Variants in WASF3 observed in about 807,000 individuals in gnomAD.
WASF3 encodes the protein actin-binding protein WASF3.
A neutral mutation model predicts 46.6 loss-of-function variants in WASF3; 11 were observed. The observed-to-expected ratio is 0.24, with a 90% CI of 0.15 to 0.39. WASF3 has a LOEUF of 0.39. Ranked by LOEUF, WASF3 falls within the 10% of genes least tolerant of loss-of-function variation. The pLI, the probability that WASF3 is intolerant of heterozygous loss-of-function variation, is 1.00. For synonymous variants in WASF3, 242 were observed against 259.7 expected (o/e 0.93, Z 0.65); for missense variants, 576 against 669.8 (o/e 0.86, Z 1.55).
chr13:26,680,257 G>A (rs553793271), intron 7 of WASF3: 39 of 1,504,080 alleles, frequency 2.6e-5, no homozygotes, highest in East Asian at 4.6e-5. Context: ...TGCTTCTGCC[G>A]CCATGAGAGG....
rs901160756 is a variant in WASF3 at position 26,687,212 on chromosome 13, T to C, written c.*1367T>C. The stretch of plus-strand genomic sequence containing the variant: ...AGGTGCTCCAGGCTTTGATTATAGA[T>C]ACGACTTCAAAAATATGCTAAGACG... On this transcript the variant is annotated 3_prime_UTR_variant, in exon 10 of 10. Transcript: ENST00000335327. 6.6e-6 allele frequency: 1 copy of C among 152,246 alleles called. No individual in the cohort carries two copies. The highest frequency in any genetic ancestry group is 2.4e-5 in the African/African-American group (1 of 41,470). The allele number at this position is 152,246 out of a possible 1,614,324, so 9.4% of individuals were successfully genotyped here.
At chr13:26,677,117 GGTAAA>G (rs1883090048) in intron 7 of WASF3, among the ~76,000 whole-genome samples, 1 of 152,100 alleles carries the variant, frequency 6.6e-6, no homozygotes, top group Non-Finnish European at 1.5e-5. Context: ...ATTGGCAGGT[GGTAAA>G]GTAACTAAGG....
At chr13:26,604,494 A>G (rs1566048154) in intron 1 of WASF3, among the ~76,000 whole-genome samples, 1 of 152,248 alleles carries the variant, frequency 6.6e-6, no homozygotes, top group Non-Finnish European at 1.5e-5. Flanking sequence ...TTATAAATAC[A>G]TAATTAGTAT....
chr13:26,672,080 T>G (rs1481702798), intron 6 of WASF3, 91 bp downstream of exon 6: 4 of 1,009,482 alleles, frequency 4.0e-6, no homozygotes, highest in Non-Finnish European at 5.9e-6. Flanking sequence ...GTTGAGATAT[T>G]GGATATAGTG....
At chr13:26,610,081 C>T (rs1465590079) in intron 1 of WASF3, among the ~76,000 whole-genome samples, 2 of 152,084 alleles carry the variant, frequency 1.3e-5, no homozygotes, top group African/African-American at 4.8e-5. Flanking sequence ...TCCATCACTG[C>T]GGGACATTCA....
chr13:26,559,677 C>T (rs986483058), intron 1 of WASF3, among the ~76,000 whole-genome samples: 6 of 152,086 alleles, frequency 3.9e-5, no homozygotes, highest in African/African-American at 1.4e-4. Context: ...CGGGCTAGTA[C>T]TAGTGATCGT....
chr13:26,565,185 GAA>G (rs58508606), intron 1 of WASF3, among the ~76,000 whole-genome samples: 1 of 138,968 alleles, frequency 7.2e-6, no homozygotes, highest in Non-Finnish European at 1.5e-5. Flanking sequence ...GTCTCAGAAA[GAA>G]AAAAAAAAAA....
chr13:26,585,461 A>C (rs1349999420), intron 1 of WASF3, among the ~76,000 whole-genome samples: 1 of 152,196 alleles, frequency 6.6e-6, no homozygotes, highest in African/African-American at 2.4e-5. Flanking sequence ...ATTTTACTAT[A>C]CTCAGTCATA....
intron 1 of WASF3, among the ~76,000 whole-genome samples, chr13:26,595,350 T>G (rs551295991): frequency 4.6e-5 from 7 of 152,322 alleles, no homozygotes; most frequent in African/African-American, 1.4e-4. Context: ...TTTATTTTTA[T>G]ATAGTAATAA....
chr13:26,667,280 A>T (rs987891736), intron 4 of WASF3, among the ~76,000 whole-genome samples: 5 of 152,194 alleles, frequency 3.3e-5, no homozygotes, highest in African/African-American at 9.6e-5. Flanking sequence ...AGGTTCAGTG[A>T]AATAATTAGA....
intron 1 of WASF3, among the ~76,000 whole-genome samples, chr13:26,572,270 T>TA (rs1444978468): frequency 6.6e-6 from 1 of 152,236 alleles, no homozygotes; most frequent in Admixed American, 6.5e-5. Context: ...TTCCTGACCT[T>TA]AATGAGAATG....
At chr13:26,644,860 C>G (rs1230943886) in intron 3 of WASF3, among the ~76,000 whole-genome samples, 1 of 152,150 alleles carries the variant, frequency 6.6e-6, no homozygotes, top group Non-Finnish European at 1.5e-5. Flanking sequence ...AGCGAGACCG[C>G]AAGGCCCACA....
chr13:26,681,341 C>CCCTAATCCCTCCTGGCCTTGCAT (rs758214006), intron 8 of WASF3, 21 bp downstream of exon 8: 29 of 1,545,248 alleles, frequency 1.9e-5, no homozygotes, highest in African/African-American at 2.8e-5. Context: ...ATGCCTTGTA[C>CCCTAATCCCTCCTGGCCTTGCAT]CCTAATCCCT....
the WASF3 span, among the ~76,000 whole-genome samples, chr13:26,552,595 G>C: frequency 1.1e-3 from 165 of 152,186 alleles, no homozygotes; most frequent in African/African-American, 3.8e-3. Flanking sequence ...TGAGAACTGA[G>C]GTATTTGTAG....
At chr13:26,649,876 C>T (rs1882260910) in intron 3 of WASF3, among the ~76,000 whole-genome samples, 1 of 152,010 alleles carries the variant, frequency 6.6e-6, no homozygotes, top group South Asian at 2.1e-4. Flanking sequence ...TCAAGACCAG[C>T]CTGGCCAAGG....
chr13:26,560,605 C>G (rs1879266091), intron 1 of WASF3, among the ~76,000 whole-genome samples: 1 of 152,184 alleles, frequency 6.6e-6, no homozygotes, highest in Admixed American at 6.5e-5. Context: ...TGTTCATAGT[C>G]TACCAGGACA....
At chr13:26,549,048 C>T in the WASF3 span, among the ~76,000 whole-genome samples, 80 of 149,596 alleles carry the variant, frequency 5.3e-4, no homozygotes, top group Non-Finnish European at 1.1e-3. Context: ...GTGGCGTGAT[C>T]TCGGCTCACT....
intron 1 of WASF3, chr13:26,606,901 T>C (rs1322303249): frequency 6.6e-6 from 1 of 152,202 alleles, no homozygotes; most frequent in Non-Finnish European, 1.5e-5. Context: ...TCTGAAAATA[T>C]TAAGATAATT....
At position 26,688,096 on chromosome 13, in the gene WASF3, G is replaced by T. The variant is rs554793612; in HGVS notation, c.*2251G>T. On this transcript the variant is annotated 3_prime_UTR_variant, in exon 10 of 10. Transcript: ENST00000335327. ...CTTGCGAAAAAGCTTTTGCCCTGTT[G>T]TGTACCATAACATTTAAAAGAATGG... 6.6e-6 allele frequency: 1 copy of T among 152,212 alleles called. No homozygotes were observed. The highest frequency in any genetic ancestry group is 6.5e-5 in the Admixed American group (1 of 15,290). The allele number at this position is 152,212 out of a possible 1,614,324, so 9.4% of individuals were successfully genotyped here.
Sources: gnomAD v4.1 joint callset for allele counts (sites outside exome capture counted in the v4.1 genomes callset) on GRCh38, gnomAD v4.1.1 for gene constraint, MANE v1.5 for transcripts, NCBI Gene and HGNC (gene_info 2026-07-23, HGNC 2026-07-21) for gene names.